Variants in GRID2 observed in about 807,000 individuals in gnomAD.
GRID2 encodes glutamate receptor ionotropic, delta-2.
In GRID2, 33 loss-of-function variants were observed where a neutral mutation model predicts 114.8. The observed-to-expected ratio is 0.29, with a 90% CI of 0.22 to 0.38. The LOEUF is 0.38. GRID2 is among the 10% of genes least tolerant of loss of function. The pLI is 1.00. For synonymous variants in GRID2, 505 were observed against 449.9 expected, an observed-to-expected ratio of 1.12 and a Z score of -1.55; for missense variants, 1,184 against 1,257.7, an observed-to-expected ratio of 0.94 and a Z score of 0.89.
chr4:92,888,872 A>G (rs555615539), intron 2 of GRID2, among the ~76,000 whole-genome samples: 12 of 150,354 alleles, frequency 8.0e-5, no homozygotes, highest in African/African-American at 3.0e-4. Flanking sequence ...ACTTGGAAAG[A>G]AAAAAAAACT....
At chr4:93,106,990 T>C (rs753827926) in intron 3 of GRID2, among the ~76,000 whole-genome samples, 23 of 152,166 alleles carry the variant, frequency 1.5e-4, no homozygotes, top group Admixed American at 3.9e-4. Flanking sequence ...AATCAATCTT[T>C]GAAGACTTCT....
intron 9 of GRID2, among the ~76,000 whole-genome samples, chr4:93,399,129 C>A (rs1765643848): frequency 6.6e-6 from 1 of 151,934 alleles, no homozygotes; most frequent in African/African-American, 2.4e-5. Flanking sequence ...AACCTCCCAC[C>A]CCCTTATATT....
At chr4:93,379,266 A>G (rs973031931) in intron 8 of GRID2, among the ~76,000 whole-genome samples, 21 of 152,116 alleles carry the variant, frequency 1.4e-4, no homozygotes, top group African/African-American at 5.1e-4. Context: ...TAAATATAGA[A>G]TAAGTAACAA....
chr4:93,001,951 A>T (rs1402957022), intron 2 of GRID2, among the ~76,000 whole-genome samples: 5 of 151,584 alleles, frequency 3.3e-5, no homozygotes, highest in Non-Finnish European at 5.9e-5. Context: ...TACATTTTTC[A>T]ATTTTTTTTC....
At chr4:92,672,348 C>T (rs1226704118) in intron 2 of GRID2, among the ~76,000 whole-genome samples, 3 of 152,080 alleles carry the variant, frequency 2.0e-5, no homozygotes, top group Admixed American at 6.6e-5. Context: ...AAATTTTCAG[C>T]TCTAATACCA....
intron 2 of GRID2, among the ~76,000 whole-genome samples, chr4:92,752,875 A>G (rs1737520910): frequency 6.6e-6 from 1 of 152,192 alleles, no homozygotes. Context: ...ATGCTTAAAA[A>G]GGAGAGAAAG....
At chr4:93,010,168 T>G (rs1721985263) in intron 2 of GRID2, among the ~76,000 whole-genome samples, 1 of 152,076 alleles carries the variant, frequency 6.6e-6, no homozygotes, top group Admixed American at 6.6e-5. Context: ...TAAAAAAATT[T>G]TTTTTATCAT....
intron 8 of GRID2, among the ~76,000 whole-genome samples, chr4:93,383,008 C>G (rs1264031760): frequency 6.6e-6 from 1 of 152,070 alleles, no homozygotes; most frequent in Non-Finnish European, 1.5e-5. Context: ...CTCTTTTGAG[C>G]CTGCACCTTT....
At chr4:92,350,108 T>C (rs1364369610) in intron 1 of GRID2, among the ~76,000 whole-genome samples, 2 of 151,946 alleles carry the variant, frequency 1.3e-5, no homozygotes, top group Admixed American at 1.3e-4. Context: ...TTCATTTTTC[T>C]GTGTCTTGCT....
chr4:92,952,590 G>T (rs957923826), intron 2 of GRID2, among the ~76,000 whole-genome samples: 5 of 152,260 alleles, frequency 3.3e-5, no homozygotes, highest in Middle Eastern at 6.8e-3. Context: ...GTATTTGGTA[G>T]CTATATGAAG....
intron 11 of GRID2, among the ~76,000 whole-genome samples, chr4:93,473,503 C>T (rs1725037693): frequency 6.6e-6 from 1 of 152,094 alleles, no homozygotes; most frequent in Admixed American, 6.5e-5. Context: ...AGCTTAAGTA[C>T]ATTCAAACAG....
At chr4:92,935,102 A>G (rs1185360030) in intron 2 of GRID2, among the ~76,000 whole-genome samples, 2 of 146,542 alleles carry the variant, frequency 1.4e-5, no homozygotes, top group African/African-American at 4.9e-5. Context: ...TGAACAGGCA[A>G]CCTACAAAAT....
chr4:92,309,027 A>G (rs1725562564), intron 1 of GRID2, among the ~76,000 whole-genome samples: 1 of 152,030 alleles, frequency 6.6e-6, no homozygotes, highest in Non-Finnish European at 1.5e-5. Context: ...ACCAACTATG[A>G]CATGACTAAT....
intron 13 of GRID2, among the ~76,000 whole-genome samples, chr4:93,524,823 GTA>G (rs1300787035): frequency 0.024 from 1,424 of 59,908 alleles, 38 homozygotes; most frequent in East Asian, 0.16. Context: ...ATGTATGTAT[GTA>G]TATATATATA....
chr4:92,989,707 T>C (rs1754748922), intron 2 of GRID2, among the ~76,000 whole-genome samples: 1 of 152,144 alleles, frequency 6.6e-6, no homozygotes, highest in Non-Finnish European at 1.5e-5. Context: ...TATATGCATC[T>C]GCTGCACTAA....
chr4:93,763,239 G>A (rs961571601), intron 14 of GRID2, among the ~76,000 whole-genome samples: 2 of 152,138 alleles, frequency 1.3e-5, no homozygotes, highest in African/African-American at 4.8e-5. Context: ...TAAGGGAAAA[G>A]AGAAGAAATG....
At chr4:92,723,365 A>C (rs931568383) in intron 2 of GRID2, among the ~76,000 whole-genome samples, 4 of 152,148 alleles carry the variant, frequency 2.6e-5, no homozygotes, top group Non-Finnish European at 5.9e-5. Context: ...GAACAGTTAA[A>C]ATTTGTCCAT....
intron 8 of GRID2, among the ~76,000 whole-genome samples, chr4:93,328,530 A>G (rs1331577681): frequency 6.6e-6 from 1 of 152,180 alleles, no homozygotes; most frequent in Non-Finnish European, 1.5e-5. Context: ...TCTTATACAT[A>G]TGAGTCCTTT....
At chr4:93,448,724 TA>T (rs1203419724) in intron 10 of GRID2, among the ~76,000 whole-genome samples, 1 of 151,538 alleles carries the variant, frequency 6.6e-6, no homozygotes, top group African/African-American at 2.4e-5. Flanking sequence ...TTAGTGGTAA[TA>T]AAAATACTAT....
Sources: gnomAD v4.1 joint callset for allele counts (sites outside exome capture counted in the v4.1 genomes callset) on GRCh38, gnomAD v4.1.1 for gene constraint, MANE v1.5 for transcripts, NCBI Gene and HGNC (gene_info 2026-07-23, HGNC 2026-07-21) for gene names.